Variants in TENM3 observed in about 807,000 individuals in gnomAD.
TENM3 encodes teneurin-3.
A neutral mutation model predicts 255.1 loss-of-function variants in TENM3; 63 were observed. The observed-to-expected ratio is 0.25, with a 90% CI of 0.20 to 0.30. The LOEUF (loss-of-function observed/expected upper bound fraction) is 0.30, where lower values mean the gene tolerates loss of function less well. Among genes scored for constraint, TENM3 ranks in the 10% least tolerant of loss-of-function variants. TENM3 has a pLI of 1.00. For synonymous variants in TENM3, 1,306 were observed against 1,322.3 expected, an observed-to-expected ratio of 0.99 and a Z score of 0.27; for missense variants, 2,929 against 3,461.1, an observed-to-expected ratio of 0.85 and a Z score of 3.86.
chr4:182,135,171 G>A, the TENM3 span, among the ~76,000 whole-genome samples: 63 of 128,406 alleles, frequency 4.9e-4, no homozygotes, highest in Non-Finnish European at 6.5e-4. Context: ...ACACCACTGC[G>A]CTCCAGCCTG....
chr4:182,594,313 T>C (rs1346124281), intron 3 of TENM3, among the ~76,000 whole-genome samples: 2 of 152,094 alleles, frequency 1.3e-5, no homozygotes, highest in Non-Finnish European at 2.9e-5. Context: ...CCCTATGACA[T>C]TTCTGATCGT....
chr4:181,862,264 T>C, the TENM3 span, among the ~76,000 whole-genome samples: 133 of 152,086 alleles, frequency 8.7e-4, no homozygotes, highest in Non-Finnish European at 1.5e-3. Context: ...AATATGAAAC[T>C]AGGGAGAACT....
intron 3 of TENM3, among the ~76,000 whole-genome samples, chr4:182,544,608 G>A (rs1044056814): frequency 6.6e-6 from 1 of 151,992 alleles, no homozygotes; most frequent in African/African-American, 2.4e-5. Context: ...GGCCTGCATT[G>A]TGGATTTTTA....
chr4:181,633,119 G>A, the TENM3 span, among the ~76,000 whole-genome samples: 6 of 152,198 alleles, frequency 3.9e-5, no homozygotes, highest in South Asian at 2.1e-4. Context: ...TACACCATAC[G>A]GATATTAATC....
At chr4:182,295,898 A>T (rs1331175319) in intron 1 of TENM3, among the ~76,000 whole-genome samples, 5 of 152,206 alleles carry the variant, frequency 3.3e-5, no homozygotes, top group African/African-American at 9.7e-5. Context: ...ACCAGATGGG[A>T]ACAAACAAAA....
chr4:182,776,566 A>G (rs1018177785), intron 24 of TENM3, among the ~76,000 whole-genome samples: 2 of 152,232 alleles, frequency 1.3e-5, no homozygotes, highest in Non-Finnish European at 2.9e-5. Context: ...TACTTTGTCC[A>G]GAAACTGACC....
the TENM3 span, among the ~76,000 whole-genome samples, chr4:181,521,389 C>G: frequency 6.6e-6 from 1 of 152,114 alleles, no homozygotes; most frequent in Admixed American, 6.5e-5. Flanking sequence ...TAAGTGTGGT[C>G]TGGTGTACAA....
the TENM3 span, among the ~76,000 whole-genome samples, chr4:181,812,889 C>T: frequency 2.6e-5 from 4 of 152,194 alleles, no homozygotes; most frequent in Non-Finnish European, 5.9e-5. Flanking sequence ...CCCTGTCTCC[C>T]GGGGAAAGGA....
At chr4:182,742,974 T>C (rs904338294) in intron 18 of TENM3, among the ~76,000 whole-genome samples, 196 bp from the exon 19 acceptor site, 2 of 152,252 alleles carry the variant, frequency 1.3e-5, no homozygotes, top group Admixed American at 6.5e-5. Context: ...TGTTGGTATA[T>C]ATCCTATGGA....
At chr4:182,311,405 ATC>A (rs1181742620) in intron 1 of TENM3, among the ~76,000 whole-genome samples, 2 of 152,222 alleles carry the variant, frequency 1.3e-5, no homozygotes, top group South Asian at 4.2e-4. Flanking sequence ...CATTGCTGTC[ATC>A]TCTCTCTCTC....
At chr4:181,451,683 A>G in the TENM3 span, among the ~76,000 whole-genome samples, 3 of 152,158 alleles carry the variant, frequency 2.0e-5, no homozygotes, top group African/African-American at 7.2e-5. Context: ...GGGGCCAACA[A>G]TGACTCTCAT....
the TENM3 span, among the ~76,000 whole-genome samples, chr4:181,645,941 A>C: frequency 6.6e-6 from 1 of 152,230 alleles, no homozygotes; most frequent in African/African-American, 2.4e-5. Flanking sequence ...AGGTCTAGAA[A>C]GTTGGCCTGG....
chr4:182,688,924 T>C (rs1342754023), intron 12 of TENM3, among the ~76,000 whole-genome samples: 1 of 152,200 alleles, frequency 6.6e-6, no homozygotes, highest in Non-Finnish European at 1.5e-5. Context: ...CTTTTTCATA[T>C]ATGATGACAT....
At chr4:182,478,123 A>T (rs1391620697) in intron 3 of TENM3, among the ~76,000 whole-genome samples, 1 of 152,100 alleles carries the variant, frequency 6.6e-6, no homozygotes, top group Non-Finnish European at 1.5e-5. Context: ...TTTTCTTTAG[A>T]ATTTTGAATT....
the TENM3 span, among the ~76,000 whole-genome samples, chr4:181,885,157 T>C: frequency 6.6e-6 from 1 of 152,224 alleles, no homozygotes; most frequent in Non-Finnish European, 1.5e-5. Flanking sequence ...TCTGAGCAGC[T>C]ACTTACTTCC....
chr4:182,235,264 A>G (rs1300735175), intron 1 of TENM3, among the ~76,000 whole-genome samples: 2 of 152,184 alleles, frequency 1.3e-5, no homozygotes, highest in African/African-American at 2.4e-5. Flanking sequence ...TGTGGGCATC[A>G]TAGGAAAAAA....
the TENM3 span, among the ~76,000 whole-genome samples, chr4:181,928,863 G>T: frequency 6.6e-6 from 1 of 152,122 alleles, no homozygotes; most frequent in Admixed American, 6.5e-5. Flanking sequence ...AAAAGAGAGT[G>T]GGGGCCAATA....
chr4:181,858,254 A>G, the TENM3 span, among the ~76,000 whole-genome samples: 2 of 152,168 alleles, frequency 1.3e-5, no homozygotes, highest in South Asian at 4.1e-4. Context: ...TGAAGTTTAG[A>G]TTTATAGGTT....
intron 7 of TENM3, 119 bp from the exon 8 acceptor site, chr4:182,679,547 G>C (rs1372256042): frequency 6.3e-6 from 5 of 793,616 alleles, no homozygotes; most frequent in African/African-American, 5.2e-5. Context: ...GACCTGTCAG[G>C]AACTTCTTTC....
Sources: gnomAD v4.1 joint callset for allele counts (sites outside exome capture counted in the v4.1 genomes callset) on GRCh38, gnomAD v4.1.1 for gene constraint, MANE v1.5 for transcripts, NCBI Gene and HGNC (gene_info 2026-07-23, HGNC 2026-07-21) for gene names.